The following ATG2A variants were observed in gnomAD, a reference collection of about 807,000 sequenced individuals.
ATG2A encodes autophagy-related protein 2 homolog A.
A neutral mutation model predicts 214.2 loss-of-function variants in ATG2A; 103 were observed. That is an observed-to-expected ratio of 0.48 (90% CI 0.41 to 0.57). ATG2A has a LOEUF of 0.57. Ranked by LOEUF, ATG2A falls within the 20% of genes least tolerant of loss-of-function variation. The pLI, the probability that ATG2A is intolerant of heterozygous loss-of-function variation, is 0.00. For missense variants in ATG2A, 2,312 were observed against 2,613.2 expected (o/e 0.88, Z 2.51); for synonymous variants, 1,160 against 1,142.1 (o/e 1.02, Z -0.32).
chr11:64,903,728 A>C lies in ATG2A; in HGVS notation c.3465-68T>G, dbSNP rs2136574983. ...GGGGGCAGCTCCACGGGAGCCGAGC[A>C]GAGGGGTCCCAAGCCCACAGGAGGT... On this transcript the variant is annotated intron_variant, in intron 24 of 40. Coordinates refer to ENST00000377264, the MANE Select transcript of ATG2A (RefSeq NM_015104.3). The surrounding 1 kb of genome is among the most constrained non-coding windows in gnomAD (Gnocchi z 4.2). 4 of 1,462,048 alleles carry C rather than the reference A, an allele frequency of 2.7e-6. No individual in the cohort carries two copies. In the South Asian group the frequency reaches 3.8e-5, roughly 14 times the overall value. The allele number at this position is 1,462,048 out of a possible 1,614,324, so 90.6% of individuals were successfully genotyped here.
intron 31 of ATG2A, among the ~76,000 whole-genome samples, chr11:64,900,085 C>T (rs1299853130): frequency 6.8e-6 from 1 of 146,986 alleles, no homozygotes; most frequent in East Asian, 2.0e-4. Flanking sequence ...AGGCTGGTCT[C>T]AAACTCCTGA....
At position 64,917,030 on chromosome 11, in the gene ATG2A, C is replaced by G. The variant is rs766146633; in HGVS notation, c.106G>C (p.Asp36His). 3.1e-6 allele frequency: 5 copies of G among 1,613,712 alleles called. No homozygotes were observed. In the African/African-American group the frequency reaches 5.3e-5, roughly 17 times the overall value. ...GHFFQEHLSL[D>H]QLSLDLYKGS... ...TTGTACAGATCGAGGCTGAGCTGGT[C>G]CAGGCTGAGGTGCTCTTGGAAGAAG... Residue 36 changes from aspartate (D) to histidine (H), a missense_variant, in exon 1 of 41, where the codon GAC becomes CAC. Asp to His is a moderately conservative substitution (Grantham distance 81). Coordinates refer to ENST00000377264, the MANE Select transcript of ATG2A (RefSeq NM_015104.3).
intron 16 of ATG2A, among the ~76,000 whole-genome samples, chr11:64,908,281 G>C (rs181893446): frequency 6.6e-6 from 1 of 152,194 alleles, no homozygotes; most frequent in Non-Finnish European, 1.5e-5. Context: ...GGCCAGGTGC[G>C]GTGGCTCATG....
rs758886854 is a variant in ATG2A, at chr11:64,906,764, T to A, written c.2884A>T (p.Met962Leu). 6.2e-7 allele frequency: 1 copy of A among 1,613,322 alleles called. No homozygotes were observed. Residue 962 changes from methionine (M) to leucine (L), a missense_variant, in exon 20 of 41, where the codon ATG (methionine) becomes TTG (leucine). By Grantham distance (15) the Met-to-Leu change is conservative (BLOSUM62 2). Coordinates refer to ENST00000377264, the MANE Select transcript of ATG2A (RefSeq NM_015104.3). ...EAVHGELVLD[M>L]EHGTLFSVSQ... ...ACGCTGAAGAGGGTACCGTGCTCCA[T>A]GTCCAGCACCAGCTCCCCGTGCACA...
chr11:64,907,816 C>T lies in ATG2A; in HGVS notation c.2439G>A (p.Leu813=). The T allele has an allele frequency of 6.2e-7, 1 of 1,613,466 alleles. No individual in the cohort carries two copies. Among genetic ancestry groups the T allele is most frequent in the South Asian group, 1.1e-5 (1 of 91,020 alleles). ...TGTGGACACTGGGCAGGATCACTTC[C>T]AGGCTGCAGCGGGACAGTGCCAGGG... The part of the protein sequence containing the change: ...SRTLALSRCS[L]EVILPSVHIF... Residue 813 remains leucine, a synonymous_variant, in exon 17 of 41, where the codon CTG becomes CTA. Transcript: ENST00000377264.
At position 64,911,954 on chromosome 11, in the gene ATG2A, T is replaced by C; in HGVS notation, c.1116A>G (p.Thr372=). 3 of 1,613,698 alleles carry C rather than the reference T, an allele frequency of 1.9e-6. No homozygotes were observed. Among genetic ancestry groups the C allele is most frequent in the Middle Eastern group, 3.3e-4 (2 of 6,060 alleles). ...TDLFFSMAGL[T]SSVASALSEL... is the part of the protein sequence containing the mutation. ...CAGAGAGGGCTGAGGCCACACTGCT[T>C]GTGAGGCCAGCCATGGAGAAGAAGA... The change falls in exon 9 of 41, where the codon ACA becomes ACG. Residue 372 remains threonine (T), a synonymous_variant. Transcript: ENST00000377264.
chr11:64,912,474 C>G, intron 6 of ATG2A, 51 bp from the exon 7 acceptor site: 1 of 1,447,142 alleles, frequency 6.9e-7, no homozygotes, highest in Non-Finnish European at 9.3e-7. Context: ...CCCAGCTCCT[C>G]TAAGAGCTAC....
At position 64,913,213 on chromosome 11, in the gene ATG2A, C is replaced by G; in HGVS notation, c.726+53G>C. On this transcript the variant is annotated intron_variant, in intron 5 of 40. Transcript: ENST00000377264. The surrounding 1 kb of genome is among the most constrained non-coding windows in gnomAD (Gnocchi z 4.3). ...ATGGTCAGAAAGGATGGGAGGGGCT[C>G]AATGGGCTCAAGGGAGAGGAGACAG... 6.2e-7 allele frequency: 1 copy of G among 1,611,560 alleles called. No individual in the cohort carries two copies. Among genetic ancestry groups the G allele is most frequent in the Non-Finnish European group, 8.5e-7 (1 of 1,179,428 alleles).
intron 19 of ATG2A, 138 bp downstream of exon 19, chr11:64,907,117 T>G: frequency 9.5e-7 from 1 of 1,052,206 alleles, no homozygotes; most frequent in Non-Finnish European, 1.3e-6. Flanking sequence ...GTGGGCAGGC[T>G]GGCGTGGGTG....
At chr11:64,900,020 G>A (rs1425206634) in intron 31 of ATG2A, among the ~76,000 whole-genome samples, 2 of 100,200 alleles carry the variant, frequency 2.0e-5, no homozygotes, top group East Asian at 2.6e-4. Context: ...CACTGCAAAT[G>A]GTTAATTTTT....
In ATG2A at chr11:64,910,964, A is replaced by G. The variant is rs1333371395; in HGVS notation, c.1467-10T>C. ...GGCTGTGCCCGTTAGCCTGCGGGGA[A>G]GAGGACAGGCGTCAGAAGGTGCACT... On this transcript the variant is annotated splice_polypyrimidine_tract_variant and intron_variant, in intron 10 of 40. Coordinates refer to ENST00000377264, the MANE Select transcript of ATG2A (RefSeq NM_015104.3). 1 of 1,613,320 alleles carries G rather than the reference A, an allele frequency of 6.2e-7. No individual in the cohort carries two copies. The highest frequency in any genetic ancestry group is 8.5e-7 in the Non-Finnish European group (1 of 1,180,020).
intron 24 of ATG2A, among the ~76,000 whole-genome samples, chr11:64,905,355 G>C (rs774156100): frequency 5.3e-5 from 8 of 152,192 alleles, no homozygotes; most frequent in Non-Finnish European, 8.8e-5. Context: ...TCAGACATGA[G>C]ATTACAGGTC....
intron 12 of ATG2A, 89 bp from the exon 13 acceptor site, chr11:64,910,284 T>G (rs374642246): frequency 3.4e-6 from 5 of 1,490,048 alleles, no homozygotes; most frequent in African/African-American, 1.4e-5. Context: ...GGAGAAGAGC[T>G]GGGGCAGGGG....
rs1456162185 is a variant in ATG2A at position 64,905,774 on chromosome 11, G to A, written c.3339C>T (p.His1113=). 1 of 1,613,914 alleles carries A rather than the reference G, an allele frequency of 6.2e-7. No homozygotes were observed. The change falls in exon 23 of 41, where the codon CAC becomes CAT. Residue 1113 remains histidine, a synonymous_variant. Transcript: ENST00000377264. ...YLPPTVITIL[H]THLFSCSVDY... ...CCACAGAGCAGGAGAACAGGTGTGT[G>A]TGCAGGATGGTGATGACCGTCGGGG...
Position 64,909,166 on chromosome 11 carries a change from C to A in ATG2A, c.2205-16G>T, listed in dbSNP as rs752799956. 1.2e-6 allele frequency: 2 copies of A among 1,606,280 alleles called. No homozygotes were observed. The highest frequency in any genetic ancestry group is 1.7e-5 in the Admixed American group (1 of 59,440). ...CACCACTACCCTGCCGGGGCACAGG[C>A]CTGTTACTGGCCTGCAGGGCCCCCG... On this transcript the variant is annotated splice_polypyrimidine_tract_variant and intron_variant, in intron 15 of 40. Transcript: ENST00000377264.
In ATG2A at chr11:64,903,015, G is replaced by T. The variant is rs1944414447; in HGVS notation, c.3612+273C>A. Among the ~76,000 whole-genome samples, 1 of 150,618 alleles carries T rather than the reference G, an allele frequency of 6.6e-6. No individual in the cohort carries two copies. The highest frequency in any genetic ancestry group is 1.5e-5 in the Non-Finnish European group (1 of 67,582). ...GAGATGAATCCGGGGACCTACAAAGGTGGCTGATTCCCAGGGCCTCGCTGG... is the reference window on the plus strand; with the variant it reads ...GAGATGAATCCGGGGACCTACAAAGTTGGCTGATTCCCAGGGCCTCGCTGG... On this transcript the variant is annotated intron_variant, in intron 26 of 40. Transcript: ENST00000377264. The surrounding 1 kb of genome is among the most constrained non-coding windows in gnomAD (Gnocchi z 4.2).
intron 39 of ATG2A, among the ~76,000 whole-genome samples, chr11:64,896,104 C>T (rs1247342837): frequency 2.0e-5 from 3 of 152,202 alleles, no homozygotes; most frequent in Admixed American, 6.5e-5. Context: ...TCTGGCCTAG[C>T]GAAGCGTATG....
At position 64,898,531 on chromosome 11, in the gene ATG2A, T is replaced by G; in HGVS notation, c.4671+105A>C. ...CCCAGGCTCACAAACAACCTGGGTG[T>G]TTGTGTGGGAATGCGTGTATGTGTG... On this transcript the variant is annotated intron_variant, in intron 32 of 40. Coordinates refer to ENST00000377264, the MANE Select transcript of ATG2A (RefSeq NM_015104.3). The surrounding 1 kb of genome is among the most constrained non-coding windows in gnomAD (Gnocchi z 4.5). The G allele has an allele frequency of 1.4e-6, 2 of 1,417,784 alleles. No individual in the cohort carries two copies. Among genetic ancestry groups the G allele is most frequent in the Non-Finnish European group, 2.0e-6 (2 of 1,022,926 alleles). 87.8% of individuals were successfully genotyped at this position (1,417,784 alleles called of 1,614,324 possible). A position where few individuals can be genotyped will look rare whatever the true frequency, so the allele number is the denominator to read the frequency against.
In ATG2A at chr11:64,895,864, C is replaced by G. The variant is rs1944131959; in HGVS notation, c.5428-422G>C. On this transcript the variant is annotated intron_variant, in intron 39 of 40. Transcript: ENST00000377264. The surrounding 1 kb of genome is among the most constrained non-coding windows in gnomAD (Gnocchi z 5.0). ...ATCCTCTGCCCAGCATCTCACCTGG[C>G]ATCACTCTTTCCCACCTGACTGAAC... 6.6e-6 allele frequency among the ~76,000 whole-genome samples: 1 copy of G among 152,122 alleles called. No individual in the cohort carries two copies. The highest frequency in any genetic ancestry group is 6.5e-5 in the Admixed American group (1 of 15,280).
Sources: gnomAD v4.1 joint callset for allele counts (sites outside exome capture counted in the v4.1 genomes callset) on GRCh38, gnomAD v4.1.1 for gene constraint, Gnocchi (gnomAD v3.1) non-coding constraint, MANE v1.5 for transcripts, NCBI Gene and HGNC (gene_info 2026-07-23, HGNC 2026-07-21) for gene names.